Variants in SLC1A1 observed in about 807,000 individuals in gnomAD.
SLC1A1 encodes excitatory amino acid transporter 3.
Under a neutral mutation model 53.3 loss-of-function variants are expected in SLC1A1, and 43 were observed. That is an observed-to-expected ratio of 0.81 (90% CI 0.63 to 1.04). The LOEUF is 1.04. Among genes scored for constraint, SLC1A1 ranks in the 50% least tolerant of loss-of-function variants. SLC1A1 has a pLI of 0.00. For synonymous variants in SLC1A1, 307 were observed against 243.2 expected, an observed-to-expected ratio of 1.26 and a Z score of -2.44; for missense variants, 748 against 664.9, an observed-to-expected ratio of 1.12 and a Z score of -1.37.
chr9:4,500,088 C>T (rs1052934413), intron 1 of SLC1A1, among the ~76,000 whole-genome samples: 3 of 152,090 alleles, frequency 2.0e-5, no homozygotes, highest in Non-Finnish European at 2.9e-5. Context: ...AAATAACTGT[C>T]CTAGGGAGTC....
intron 1 of SLC1A1, among the ~76,000 whole-genome samples, chr9:4,530,136 A>C (rs1485887794): frequency 1.3e-5 from 2 of 152,104 alleles, no homozygotes; most frequent in African/African-American, 4.8e-5. Flanking sequence ...GATAGGAAGG[A>C]GGAGGTTTGT....
chr9:4,578,587 C>G lies in SLC1A1; in HGVS notation c.1193+1824C>G, dbSNP rs185038679. ...CCAGTAAACCTTGGTATCATGGAAA[C>G]CCAGAAAAGAGAGATTTTCAAGGGT... On this transcript the variant is annotated intron_variant, in intron 10 of 11. Transcript: ENST00000262352. Among the ~76,000 whole-genome samples, 5 of 152,192 alleles carry G rather than the reference C, an allele frequency of 3.3e-5. No individual in the cohort carries two copies. The South Asian group carries it at 1.0e-3, about 32-fold the overall frequency.
chr9:4,538,221 A>T (rs1816748405), intron 1 of SLC1A1, among the ~76,000 whole-genome samples: 2 of 152,160 alleles, frequency 1.3e-5, no homozygotes, highest in South Asian at 4.1e-4. Flanking sequence ...GGTTTTGTAC[A>T]TTTTAGGGAG....
At chr9:4,564,132 C>T (rs2129697605) in intron 3 of SLC1A1, among the ~76,000 whole-genome samples, 1 of 152,264 alleles carries the variant, frequency 6.6e-6, no homozygotes, top group African/African-American at 2.4e-5. Flanking sequence ...CACGCAAGCA[C>T]ATGGAGTTCT....
chr9:4,539,331 G>A (rs747669118), intron 1 of SLC1A1, among the ~76,000 whole-genome samples: 1 of 152,178 alleles, frequency 6.6e-6, no homozygotes, highest in Non-Finnish European at 1.5e-5. Flanking sequence ...GTTCTTTTCT[G>A]ATTCCCAGTA....
intron 6 of SLC1A1, among the ~76,000 whole-genome samples, chr9:4,568,013 G>A (rs1819650454): frequency 6.6e-6 from 1 of 152,212 alleles, no homozygotes; most frequent in Non-Finnish European, 1.5e-5. Flanking sequence ...GAAAAAGGCT[G>A]TGCTCTGCTT....
chr9:4,490,760 G>A lies in SLC1A1; in HGVS notation c.81G>A (p.Ala27=), dbSNP rs2229885. The A allele has an allele frequency of 1.1e-5, 18 of 1,611,726 alleles. No individual in the cohort carries two copies. The highest frequency in any genetic ancestry group is 1.5e-5 in the Non-Finnish European group (18 of 1,178,502). The change falls in exon 1 of 12, where the codon GCG becomes GCA. Residue 27 remains alanine (A), a synonymous_variant. Coordinates refer to ENST00000262352, the MANE Select transcript of SLC1A1 (RefSeq NM_004170.6). ...GGGTGTTGCTGTCCACCGTGGCCGCGGTGGTGCTAGGTGAGCGGCGCGGCG... is the reference window on the plus strand; with the variant it reads ...GGGTGTTGCTGTCCACCGTGGCCGCAGTGGTGCTAGGTGAGCGGCGCGGCG... ...NNWVLLSTVA[A]VVLGITTGVL... is the part of the protein sequence containing the mutation.
Position 4,556,137 on chromosome 9 carries a change from C to A in SLC1A1, c.233-5312C>A, listed in dbSNP as rs1017866102. ...CTGAGTAGCTGGGATTGCAGGTGCACACCATCACACCCAGCAAATTTGTGT... is the reference window on the plus strand; with the variant it reads ...CTGAGTAGCTGGGATTGCAGGTGCAAACCATCACACCCAGCAAATTTGTGT... On this transcript the variant is annotated intron_variant, in intron 2 of 11. Coordinates refer to ENST00000262352, the MANE Select transcript of SLC1A1 (RefSeq NM_004170.6). This position sits in a 1 kb window ranked among gnomAD's most constrained non-coding sequence, Gnocchi z 4.1. Among the ~76,000 whole-genome samples the A allele has an allele frequency of 3.9e-5, 6 of 152,018 alleles. No homozygotes were observed. Among genetic ancestry groups the A allele is most frequent in the African/African-American group, 1.5e-4 (6 of 41,370 alleles).
chr9:4,543,659 C>A (rs1171241431), intron 1 of SLC1A1, among the ~76,000 whole-genome samples: 1 of 152,026 alleles, frequency 6.6e-6, no homozygotes, highest in Non-Finnish European at 1.5e-5. Context: ...TTGTAAAAAG[C>A]CTTTTAATCA....
chr9:4,513,963 A>C (rs1299699635), intron 1 of SLC1A1, among the ~76,000 whole-genome samples: 2 of 152,214 alleles, frequency 1.3e-5, no homozygotes, highest in Non-Finnish European at 2.9e-5. Flanking sequence ...ATATGATTCC[A>C]TCTGCATGAT....
At chr9:4,545,489 A>T (rs1817414165) in intron 2 of SLC1A1, among the ~76,000 whole-genome samples, 1 of 152,226 alleles carries the variant, frequency 6.6e-6, no homozygotes, top group Non-Finnish European at 1.5e-5. Flanking sequence ...AATTTTGATC[A>T]TGTTTTCAGC....
In SLC1A1 at chr9:4,574,111, C is replaced by G. The variant is rs544784933; in HGVS notation, c.875+97C>G. On this transcript the variant is annotated intron_variant, in intron 8 of 11. Transcript: ENST00000262352. ...TCAGTTGGTTAAAACTGGCTTCTGC[C>G]CTATGTGCTGGGAAAGATAGGGTTC... 2.3e-5 allele frequency: 19 copies of G among 831,974 alleles called. No individual in the cohort carries two copies. The East Asian group carries it at 4.7e-4, about 20-fold the overall frequency. 51.5% of individuals were successfully genotyped at this position (831,974 alleles called of 1,614,324 possible). A position where few individuals can be genotyped will look rare whatever the true frequency, so the allele number is the denominator to read the frequency against.
Position 4,572,194 on chromosome 9 carries a change from T to C in SLC1A1, c.583-10T>C. The C allele has an allele frequency of 1.9e-6, 3 of 1,610,896 alleles. No individual in the cohort carries two copies. The highest frequency in any genetic ancestry group is 2.5e-6 in the Non-Finnish European group (3 of 1,177,122). ...GTGCATCAATATGTTTTCTTGGTTT[T>C]GATCCACAGAACAAAACAAAGGAAT... On this transcript the variant is annotated splice_polypyrimidine_tract_variant and intron_variant, in intron 6 of 11. Coordinates refer to ENST00000262352, the MANE Select transcript of SLC1A1 (RefSeq NM_004170.6).
intron 1 of SLC1A1, among the ~76,000 whole-genome samples, chr9:4,544,056 G>T (rs1817244871): frequency 6.6e-6 from 1 of 152,036 alleles, no homozygotes; most frequent in East Asian, 1.9e-4. Flanking sequence ...TGCGCATATA[G>T]TCCTAGCTAC....
intron 5 of SLC1A1, among the ~76,000 whole-genome samples, chr9:4,566,980 C>T (rs1175112484): frequency 6.6e-6 from 1 of 152,184 alleles, no homozygotes; most frequent in African/African-American, 2.4e-5. Context: ...AGAACCTCCT[C>T]TATTACAGGG....
At chr9:4,577,582 TCTC>T (rs1820676221) in intron 10 of SLC1A1, among the ~76,000 whole-genome samples, 1 of 152,106 alleles carries the variant, frequency 6.6e-6, no homozygotes. Flanking sequence ...TTCAAGCAAT[TCTC>T]CTGCCTCAGC....
intron 1 of SLC1A1, among the ~76,000 whole-genome samples, chr9:4,531,386 C>T (rs1362872222): frequency 6.6e-6 from 1 of 152,166 alleles, no homozygotes; most frequent in Non-Finnish European, 1.5e-5. Context: ...ACGGTCTTAG[C>T]AAATGGTACA....
chr9:4,541,418 C>T (rs1816996531), intron 1 of SLC1A1, among the ~76,000 whole-genome samples: 1 of 152,158 alleles, frequency 6.6e-6, no homozygotes, highest in Non-Finnish European at 1.5e-5. Context: ...GTTTTCTTTT[C>T]CATACAGCTT....
Position 4,490,527 on chromosome 9 carries a change from AACGGCGGTGGTG to A in SLC1A1, c.-145_-134del. Reference sequence around the variant, plus strand: ...GTGCGCGATCCCGGGTGGCGGCGGCAACGGCGGTGGTGACGGCGGCGACTGCAGCGGCCGGCT... The same window carrying A: ...GTGCGCGATCCCGGGTGGCGGCGGCAACGGCGGCGACTGCAGCGGCCGGCT... On this transcript the variant is annotated 5_prime_UTR_variant, in exon 1 of 12. Coordinates refer to ENST00000262352, the MANE Select transcript of SLC1A1 (RefSeq NM_004170.6). The A allele has an allele frequency of 2.2e-6, 1 of 445,714 alleles. No individual in the cohort carries two copies. Among genetic ancestry groups the A allele is most frequent in the Non-Finnish European group, 3.9e-6 (1 of 256,834 alleles). 27.6% of individuals were successfully genotyped at this position (445,714 alleles called of 1,614,324 possible).
Sources: allele counts gnomAD v4.1 joint callset (sites outside exome capture counted in the v4.1 genomes callset), GRCh38; gene constraint gnomAD v4.1.1; non-coding constraint Gnocchi (gnomAD v3.1); transcripts MANE v1.5; gene names NCBI Gene and HGNC (gene_info 2026-07-23, HGNC 2026-07-21).